The following CTNNA3 variants were observed in gnomAD, a reference collection of about 807,000 sequenced individuals.
CTNNA3 encodes the protein catenin alpha-3.
Under a neutral mutation model 95.7 loss-of-function variants are expected in CTNNA3, and 76 were observed. The observed-to-expected ratio is 0.79, with a 90% CI of 0.66 to 0.96. The LOEUF is 0.96. CTNNA3 is among the 40% of genes least tolerant of loss of function. CTNNA3 has a pLI of 0.00. For missense variants in CTNNA3, 1,191 were observed against 1,089.8 expected, an observed-to-expected ratio of 1.09 and a Z score of -1.31; for synonymous variants, 431 against 374.4, an observed-to-expected ratio of 1.15 and a Z score of -1.74.
intron 7 of CTNNA3, among the ~76,000 whole-genome samples, chr10:66,987,892 G>A (rs562071682): frequency 6.6e-6 from 1 of 152,234 alleles, no homozygotes; most frequent in East Asian, 1.9e-4. Flanking sequence ...TCCTTTTTAT[G>A]CAGAGGGTTT....
At chr10:67,450,558 C>T (rs1846940456) in intron 5 of CTNNA3, among the ~76,000 whole-genome samples, 1 of 152,068 alleles carries the variant, frequency 6.6e-6, no homozygotes, top group African/African-American at 2.4e-5. Context: ...CATGTTCTCA[C>T]TTACAAGTGG....
chr10:67,216,537 C>T (rs946743397), intron 6 of CTNNA3, among the ~76,000 whole-genome samples: 2 of 152,146 alleles, frequency 1.3e-5, no homozygotes, highest in Non-Finnish European at 2.9e-5. Context: ...TTCATTCATG[C>T]ATTCATTGAT....
chr10:66,905,138 T>C (rs948330541), intron 7 of CTNNA3, among the ~76,000 whole-genome samples: 4 of 152,156 alleles, frequency 2.6e-5, no homozygotes, highest in African/African-American at 9.7e-5. Context: ...CCATCAATAA[T>C]AGATTGGATT....
intron 13 of CTNNA3, among the ~76,000 whole-genome samples, chr10:66,175,036 T>C (rs2085634914): frequency 6.6e-6 from 1 of 152,088 alleles, no homozygotes; most frequent in East Asian, 1.9e-4. Flanking sequence ...AGAAAGAAGG[T>C]ACAAGATTTC....
At chr10:66,448,350 T>A (rs981205189) in intron 11 of CTNNA3, among the ~76,000 whole-genome samples, 1 of 152,136 alleles carries the variant, frequency 6.6e-6, no homozygotes, top group African/African-American at 2.4e-5. Flanking sequence ...GGATTATAAA[T>A]CATGCTGCTA....
chr10:66,007,384 C>T (rs749023102), intron 15 of CTNNA3, among the ~76,000 whole-genome samples: 2 of 152,142 alleles, frequency 1.3e-5, no homozygotes, highest in Non-Finnish European at 2.9e-5. Flanking sequence ...TGATCCTCTT[C>T]CTCCTCCCAC....
intron 7 of CTNNA3, among the ~76,000 whole-genome samples, chr10:67,156,458 T>C (rs952188844): frequency 2.0e-5 from 3 of 152,132 alleles, no homozygotes; most frequent in African/African-American, 7.2e-5. Context: ...CTGCATTCCA[T>C]GAGCTTGGTG....
chr10:67,531,760 T>C (rs1840334485), intron 4 of CTNNA3, among the ~76,000 whole-genome samples: 1 of 152,138 alleles, frequency 6.6e-6, no homozygotes, highest in Non-Finnish European at 1.5e-5. Context: ...TGATATAGTT[T>C]GGCTGTGTCC....
intron 1 of CTNNA3, among the ~76,000 whole-genome samples, chr10:67,702,305 C>A (rs1197715550): frequency 2.6e-5 from 4 of 152,104 alleles, no homozygotes; most frequent in Admixed American, 6.5e-5. Flanking sequence ...CTCTCCACCC[C>A]AAATCAACAG....
chr10:67,666,309 T>C (rs1014468588), intron 1 of CTNNA3, among the ~76,000 whole-genome samples: 2 of 152,154 alleles, frequency 1.3e-5, no homozygotes, highest in Admixed American at 1.3e-4. Context: ...TTAATCTGAA[T>C]TGTTATTGAG....
chr10:66,994,714 A>T (rs1851234254), intron 7 of CTNNA3, among the ~76,000 whole-genome samples: 1 of 152,238 alleles, frequency 6.6e-6, no homozygotes, highest in Non-Finnish European at 1.5e-5. Context: ...GATAAGGAAT[A>T]GCTTGATGAC....
intron 7 of CTNNA3, among the ~76,000 whole-genome samples, chr10:66,827,889 T>C (rs1426446130): frequency 6.6e-6 from 1 of 152,206 alleles, no homozygotes; most frequent in East Asian, 1.9e-4. Flanking sequence ...CCTTTCTGAA[T>C]ACTAGAGCTT....
intron 13 of CTNNA3, among the ~76,000 whole-genome samples, chr10:66,270,537 A>G (rs1219700393): frequency 6.6e-6 from 1 of 152,164 alleles, no homozygotes; most frequent in Admixed American, 6.6e-5. Context: ...AATCTTCCTT[A>G]TTTCATATAG....
chr10:66,338,933 A>C (rs1032583059), intron 12 of CTNNA3, among the ~76,000 whole-genome samples: 1 of 151,880 alleles, frequency 6.6e-6, no homozygotes, highest in African/African-American at 2.4e-5. Flanking sequence ...CAGTGTAAAA[A>C]CTAAAGAATA....
intron 17 of CTNNA3, among the ~76,000 whole-genome samples, chr10:65,962,906 A>G (rs1450158439): frequency 6.6e-6 from 1 of 152,160 alleles, no homozygotes; most frequent in Non-Finnish European, 1.5e-5. Flanking sequence ...ATGTGGCTGC[A>G]TAGTATTCCA....
At chr10:66,648,216 C>G (rs187497339) in intron 9 of CTNNA3, among the ~76,000 whole-genome samples, 5 of 152,206 alleles carry the variant, frequency 3.3e-5, no homozygotes, top group African/African-American at 7.2e-5. Context: ...CCACTTGTGT[C>G]CCTTCCCCAG....
At chr10:66,682,350 A>C (rs185590222) in intron 9 of CTNNA3, among the ~76,000 whole-genome samples, 1 of 152,290 alleles carries the variant, frequency 6.6e-6, no homozygotes, top group Non-Finnish European at 1.5e-5. Flanking sequence ...ATTAAAGGTA[A>C]AAATTAAAAG....
chr10:66,952,972 A>G (rs1372167290), intron 7 of CTNNA3, among the ~76,000 whole-genome samples: 2 of 152,076 alleles, frequency 1.3e-5, no homozygotes, highest in African/African-American at 2.4e-5. Flanking sequence ...AAGACCTCCA[A>G]GTAGTTTTCA....
At chr10:66,292,370 T>A (rs2091697355) in intron 12 of CTNNA3, among the ~76,000 whole-genome samples, 1 of 152,168 alleles carries the variant, frequency 6.6e-6, no homozygotes, top group African/African-American at 2.4e-5. Context: ...CTCACCCAGT[T>A]TTACAAGTAA....
Sources: gnomAD v4.1 joint callset for allele counts (sites outside exome capture counted in the v4.1 genomes callset) on GRCh38, gnomAD v4.1.1 for gene constraint, MANE v1.5 for transcripts, NCBI Gene and HGNC (gene_info 2026-07-23, HGNC 2026-07-21) for gene names.